The following ABHD3 variants were observed in gnomAD, a reference collection of about 807,000 sequenced individuals.
ABHD3 encodes the protein phospholipase ABHD3.
ABHD3 carries 46 observed loss-of-function variants against 48.8 expected under a neutral mutation model. The observed-to-expected ratio is 0.94, with a 90% confidence interval of 0.74 to 1.20. The LOEUF is 1.20. Among genes scored for constraint, ABHD3 ranks in the 50% most tolerant of loss-of-function variants. The probability of loss-of-function intolerance (pLI) is 0.00; values close to 1 mark genes in which losing one functional copy is unlikely to be tolerated. For synonymous variants in ABHD3, 192 were observed against 183.7 expected (o/e 1.04, Z -0.36); for missense variants, 490 against 497.8 (o/e 0.98, Z 0.15).
chr18:21,687,447 G>A (rs1262909474), intron 3 of ABHD3, among the ~76,000 whole-genome samples: 2 of 151,958 alleles, frequency 1.3e-5, no homozygotes, highest in Admixed American at 6.6e-5. Flanking sequence ...TCCTGACCTC[G>A]TGATCCACCT....
chr18:21,703,040 A>T (rs1167904600), intron 2 of ABHD3, among the ~76,000 whole-genome samples: 1 of 152,218 alleles, frequency 6.6e-6, no homozygotes, highest in African/African-American at 2.4e-5. Flanking sequence ...AGAAGGATAG[A>T]TGACTAAGGG....
intron 8 of ABHD3, among the ~76,000 whole-genome samples, 178 bp from the exon 9 acceptor site, chr18:21,651,941 A>C (rs1301205776): frequency 2.0e-5 from 3 of 152,340 alleles, no homozygotes; most frequent in Admixed American, 6.5e-5. Context: ...ACCTTATATC[A>C]ACTATATTCT....
At chr18:21,697,506 A>G (rs1568163845) in intron 3 of ABHD3, among the ~76,000 whole-genome samples, 1 of 152,086 alleles carries the variant, frequency 6.6e-6, no homozygotes, top group Non-Finnish European at 1.5e-5. Context: ...CAGCCTCCCA[A>G]GTAGCTGGAA....
At chr18:21,691,322 ATATTT>A in intron 3 of ABHD3, among the ~76,000 whole-genome samples, 1 of 152,364 alleles carries the variant, frequency 6.6e-6, no homozygotes. Flanking sequence ...ATCTACAACT[ATATTT>A]TAAAATGCTT....
chr18:21,699,044 G>A (rs1028129447), intron 3 of ABHD3, among the ~76,000 whole-genome samples: 1 of 151,526 alleles, frequency 6.6e-6, no homozygotes, highest in African/African-American at 2.4e-5. Flanking sequence ...AGCGATTCTC[G>A]TGTCTTAAGA....
intron 3 of ABHD3, among the ~76,000 whole-genome samples, chr18:21,690,141 C>A (rs1308820171): frequency 6.6e-6 from 1 of 151,448 alleles, no homozygotes; most frequent in African/African-American, 2.4e-5. Context: ...AAAAGAAAAT[C>A]TCAGCATAAT....
At chr18:21,693,105 A>G (rs768611729) in intron 3 of ABHD3, among the ~76,000 whole-genome samples, 2 of 152,196 alleles carry the variant, frequency 1.3e-5, no homozygotes, top group Non-Finnish European at 2.9e-5. Context: ...CTTCGTATTA[A>G]TAACAGTAAG....
chr18:21,686,576 A>G (rs1475795758), intron 3 of ABHD3, among the ~76,000 whole-genome samples: 2 of 152,212 alleles, frequency 1.3e-5, no homozygotes, highest in Non-Finnish European at 2.9e-5. Context: ...AACTTTGGAA[A>G]GTGGATCATA....
At chr18:21,704,076 G>A (rs1341213767) in intron 1 of ABHD3, among the ~76,000 whole-genome samples, 2 of 152,162 alleles carry the variant, frequency 1.3e-5, no homozygotes, top group East Asian at 1.9e-4. Flanking sequence ...TAATTGTAAC[G>A]GGGTTTCACC....
chr18:21,663,972 A>G, intron 5 of ABHD3, 146 bp downstream of exon 5: 1 of 1,431,300 alleles, frequency 7.0e-7, no homozygotes, highest in Non-Finnish European at 9.1e-7. Flanking sequence ...TCGTTCATTC[A>G]ATCAACCGCA....
chr18:21,700,827 CAAAAA>C (rs375239917), intron 3 of ABHD3, among the ~76,000 whole-genome samples: 31 of 94,370 alleles, frequency 3.3e-4, no homozygotes, highest in African/African-American at 7.7e-4. Context: ...AAGTTTTAGC[CAAAAA>C]AAAAAAAAAA....
chr18:21,703,809 G>C lies in ABHD3; in HGVS notation c.163-62C>G, dbSNP rs2040570587. ...CAAAGTTTCTGCCAACCGTAAACCA[G>C]AAACCGGCAAAGACTTGTCGCTCGC... is the stretch of plus-strand genomic sequence containing the variant. On this transcript the variant is annotated intron_variant, in intron 1 of 8. Coordinates refer to ENST00000289119, the MANE Select transcript of ABHD3 (RefSeq NM_138340.5). 3.8e-6 allele frequency: 6 copies of C among 1,569,674 alleles called. No individual in the cohort carries two copies. The Admixed American group carries it at 1.0e-4, about 27-fold the overall frequency.
chr18:21,703,817 C>T (rs1219890112), intron 1 of ABHD3, 70 bp from the exon 2 acceptor site: 10 of 1,548,710 alleles, frequency 6.5e-6, no homozygotes, highest in Non-Finnish European at 7.9e-6. Flanking sequence ...CAGAAACCGG[C>T]AAAGACTTGT....
At chr18:21,662,656 T>C (rs1192881231) in intron 5 of ABHD3, among the ~76,000 whole-genome samples, 1 of 152,104 alleles carries the variant, frequency 6.6e-6, no homozygotes, top group African/African-American at 2.4e-5. Context: ...TGTGTCAAGA[T>C]ATAAAACACA....
intron 4 of ABHD3, among the ~76,000 whole-genome samples, chr18:21,679,370 C>T (rs1476619655): frequency 6.6e-6 from 1 of 151,970 alleles, no homozygotes; most frequent in East Asian, 1.9e-4. Flanking sequence ...TGTAGAATAA[C>T]CAAAGGTAAT....
At chr18:21,664,569 A>T (rs1237760797) in intron 4 of ABHD3, 4 of 186,448 alleles carry the variant, frequency 2.1e-5, no homozygotes, top group Non-Finnish European at 4.4e-5. Flanking sequence ...GAAAAAAAGC[A>T]GAGAACTGTG....
chr18:21,677,300 T>C (rs980550520), intron 4 of ABHD3, among the ~76,000 whole-genome samples: 1 of 152,186 alleles, frequency 6.6e-6, no homozygotes, highest in East Asian at 1.9e-4. Context: ...GTTCACGCCA[T>C]TCTCCTGCCT....
intron 4 of ABHD3, among the ~76,000 whole-genome samples, chr18:21,681,271 T>C (rs531234009): frequency 1.3e-5 from 2 of 152,264 alleles, no homozygotes; most frequent in African/African-American, 4.8e-5. Flanking sequence ...CTTTGTTACA[T>C]CATAATCTCA....
chr18:21,663,776 T>G, intron 5 of ABHD3: 1 of 1,535,256 alleles, frequency 6.5e-7, no homozygotes, highest in South Asian at 1.2e-5. Context: ...AAGTTCAGCT[T>G]CAGAACGCAG....
Sources: gnomAD v4.1 joint callset for allele counts (sites outside exome capture counted in the v4.1 genomes callset) on GRCh38, gnomAD v4.1.1 for gene constraint, MANE v1.5 for transcripts, NCBI Gene and HGNC (gene_info 2026-07-23, HGNC 2026-07-21) for gene names.